ZMYM4: variants seen among roughly 807,000 people sequenced by gnomAD.
ZMYM4 encodes the protein zinc finger MYM-type protein 4.
ZMYM4 carries 31 observed loss-of-function variants against 183.2 expected under a neutral mutation model. The ratio of observed to expected loss-of-function variants is 0.17; its 90% CI spans 0.13 to 0.23. The LOEUF is 0.23. ZMYM4 is among the 10% of genes least tolerant of loss of function. The pLI, the probability that ZMYM4 is intolerant of heterozygous loss-of-function variation, is 1.00. For missense variants in ZMYM4, 1,273 were observed against 1,840.3 expected (o/e 0.69, Z 5.64); for synonymous variants, 592 against 631.2 (o/e 0.94, Z 0.93).
rs570634151 is a variant in ZMYM4, at chr1:35,307,383, G to T, written c.40-17977G>T. On this transcript the variant is annotated intron_variant, in intron 1 of 29. Transcript: ENST00000314607. ...CCCCTGTACCTTGGTACAGTGTCTG[G>T]CTGTGACATCACATGGGTACCCTTG... Among the ~76,000 whole-genome samples the T allele has an allele frequency of 2.6e-4, 40 of 151,992 alleles. No homozygotes were observed. In the South Asian group the frequency reaches 8.3e-3, roughly 32 times the overall value.
chr1:35,368,382 A>T (rs1057030039), intron 5 of ZMYM4, among the ~76,000 whole-genome samples: 1 of 152,176 alleles, frequency 6.6e-6, no homozygotes, highest in Admixed American at 6.5e-5. Context: ...AGACTGTCAG[A>T]TTTTTTTGGC....
chr1:35,343,730 T>C (rs1232229228), intron 2 of ZMYM4, among the ~76,000 whole-genome samples: 1 of 151,996 alleles, frequency 6.6e-6, no homozygotes, highest in Non-Finnish European at 1.5e-5. Flanking sequence ...CTTTGCGCAG[T>C]GACGGGCACC....
At chr1:35,388,267 C>T (rs1278748771) in intron 13 of ZMYM4, among the ~76,000 whole-genome samples, 2 of 152,108 alleles carry the variant, frequency 1.3e-5, no homozygotes, top group Non-Finnish European at 2.9e-5. Context: ...TGCCATGGAG[C>T]GATCTTGGCT....
intron 2 of ZMYM4, among the ~76,000 whole-genome samples, chr1:35,335,629 A>T (rs1438227642): frequency 6.6e-6 from 1 of 152,130 alleles, no homozygotes; most frequent in East Asian, 1.9e-4. Flanking sequence ...CATTATATAA[A>T]TATATAACTA....
At position 35,345,296 on chromosome 1, in the gene ZMYM4, A is replaced by G. The variant is rs546481051; in HGVS notation, c.86-13629A>G. ...ATTTATTTTTGTAAAGTTGTTAATC[A>G]TTCTTATGTATTGCCATCAAGTTAA... On this transcript the variant is annotated intron_variant, in intron 2 of 29. Coordinates refer to ENST00000314607, the MANE Select transcript of ZMYM4 (RefSeq NM_005095.3). Among the ~76,000 whole-genome samples the G allele has an allele frequency of 2.6e-5, 4 of 152,314 alleles. No individual in the cohort carries two copies. In the South Asian group the frequency reaches 8.3e-4, roughly 32 times the overall value.
At chr1:35,303,303 A>G (rs1641375980) in intron 1 of ZMYM4, among the ~76,000 whole-genome samples, 1 of 56,660 alleles carries the variant, frequency 1.8e-5, no homozygotes, top group South Asian at 5.5e-4. Context: ...AAAAAAAAAA[A>G]GAAAAGAAAA....
intron 1 of ZMYM4, among the ~76,000 whole-genome samples, chr1:35,276,867 A>T (rs1377866802): frequency 6.6e-6 from 1 of 152,146 alleles, no homozygotes; most frequent in Non-Finnish European, 1.5e-5. Context: ...TCCGCCTCCC[A>T]AAGTGCTGGG....
intron 1 of ZMYM4, among the ~76,000 whole-genome samples, chr1:35,313,471 G>A (rs761622659): frequency 1.4e-5 from 2 of 144,968 alleles, no homozygotes; most frequent in African/African-American, 2.5e-5. Context: ...CCACTGCAAC[G>A]TCCACCTCCT....
intron 1 of ZMYM4, among the ~76,000 whole-genome samples, chr1:35,276,039 T>G (rs1291967086): frequency 1.3e-5 from 2 of 152,194 alleles, no homozygotes; most frequent in South Asian, 2.1e-4. Flanking sequence ...TCCTTTTTTT[T>G]GTTTTGTTTT....
intron 1 of ZMYM4, among the ~76,000 whole-genome samples, chr1:35,289,612 A>G (rs1009144333): frequency 5.9e-5 from 9 of 152,174 alleles, no homozygotes; most frequent in African/African-American, 1.9e-4. Flanking sequence ...GGGGTTCTCA[A>G]CGTTGGCACT....
At chr1:35,418,619 C>T in intron 29 of ZMYM4, 47 bp downstream of exon 29, 1 of 1,601,476 alleles carries the variant, frequency 6.2e-7, no homozygotes, top group Non-Finnish European at 8.5e-7. Context: ...AGGCAGTTAA[C>T]ATATTTTGGA....
intron 23 of ZMYM4, among the ~76,000 whole-genome samples, chr1:35,402,106 T>C (rs1644920100): frequency 6.8e-6 from 1 of 147,228 alleles, no homozygotes; most frequent in East Asian, 2.0e-4. Flanking sequence ...AATCAACTTG[T>C]CAATTTCTTT....
At chr1:35,282,597 C>G (rs913954566) in intron 1 of ZMYM4, among the ~76,000 whole-genome samples, 1 of 152,024 alleles carries the variant, frequency 6.6e-6, no homozygotes, top group Non-Finnish European at 1.5e-5. Flanking sequence ...ACTTTGTTGT[C>G]CAGGCTGGAG....
Position 35,370,447 on chromosome 1 carries a change from C to A in ZMYM4, c.1001C>A (p.Ala334Asp). Residue 334 changes from alanine to aspartate, a missense_variant, in exon 7 of 30, where the codon GCC (alanine) becomes GAC (aspartate). Coordinates refer to ENST00000314607, the MANE Select transcript of ZMYM4 (RefSeq NM_005095.3). ...GMNKMLPSVP[A>D]TAVRVSCSGC... ...AATAAAATGCTTCCTTCAGTTCCAG[C>A]CACAGCTGTTCGAGTTTCCTGTTCT... The A allele has an allele frequency of 6.2e-7, 1 of 1,608,012 alleles. No homozygotes were observed. The highest frequency in any genetic ancestry group is 8.5e-7 in the Non-Finnish European group (1 of 1,179,218).
chr1:35,338,692 C>G lies in ZMYM4; in HGVS notation c.85+13287C>G, dbSNP rs575859447. Among the ~76,000 whole-genome samples, 3 of 152,238 alleles carry G rather than the reference C, an allele frequency of 2.0e-5. No homozygotes were observed. The East Asian group carries it at 5.8e-4, about 29-fold the overall frequency. ...GGATATAACATGAACTTCATTTTGT[C>G]TTTAATTTGCATTTCCTTGTTAATG... is the stretch of plus-strand genomic sequence containing the variant. On this transcript the variant is annotated intron_variant, in intron 2 of 29. Coordinates refer to ENST00000314607, the MANE Select transcript of ZMYM4 (RefSeq NM_005095.3).
At chr1:35,315,735 C>T (rs1441301088) in intron 1 of ZMYM4, among the ~76,000 whole-genome samples, 2 of 151,744 alleles carry the variant, frequency 1.3e-5, no homozygotes, top group African/African-American at 4.8e-5. Flanking sequence ...GGGTTTGGGA[C>T]CAGAATTGGC....
chr1:35,397,641 AAACCTT>A, intron 20 of ZMYM4, 96 bp downstream of exon 20: 1 of 1,113,786 alleles, frequency 9.0e-7, no homozygotes, highest in South Asian at 2.3e-5. Context: ...GGTGTTTCTA[AAACCTT>A]TATTGTCTGT....
chr1:35,415,770 T>C, intron 28 of ZMYM4, 56 bp downstream of exon 28: 12 of 1,574,914 alleles, frequency 7.6e-6, no homozygotes, highest in Non-Finnish European at 1.0e-5. Context: ...AGTACTAAAA[T>C]AGAGAGTTAC....
intron 1 of ZMYM4, among the ~76,000 whole-genome samples, chr1:35,314,662 T>G (rs1256665902): frequency 2.3e-5 from 2 of 86,036 alleles, no homozygotes; most frequent in East Asian, 2.9e-4. Flanking sequence ...TATTCAAAAA[T>G]GATTTTTTTT....
Sources: allele counts gnomAD v4.1 joint callset (sites outside exome capture counted in the v4.1 genomes callset), GRCh38; gene constraint gnomAD v4.1.1; transcripts MANE v1.5; gene names NCBI Gene and HGNC (gene_info 2026-07-23, HGNC 2026-07-21).